ITGA2: variants seen among roughly 807,000 people sequenced by gnomAD.
ITGA2 encodes the protein integrin alpha-2.
Under a neutral mutation model 146.3 loss-of-function variants are expected in ITGA2, and 101 were observed. The ratio of observed to expected loss-of-function variants is 0.69; its 90% CI spans 0.59 to 0.81. The LOEUF (loss-of-function observed/expected upper bound fraction) is 0.81, where lower values mean the gene tolerates loss of function less well. Ranked by LOEUF, ITGA2 falls within the 40% of genes least tolerant of loss-of-function variation. The pLI, the probability that ITGA2 is intolerant of heterozygous loss-of-function variation, is 0.00. For synonymous variants in ITGA2, 477 were observed against 487.1 expected (o/e 0.98, Z 0.27); for missense variants, 1,281 against 1,402.7 (o/e 0.91, Z 1.39).
At chr5:53,053,556 G>C (rs1744491776) in intron 7 of ITGA2, among the ~76,000 whole-genome samples, 1 of 152,138 alleles carries the variant, frequency 6.6e-6, no homozygotes, top group South Asian at 2.1e-4. Flanking sequence ...GCCCTGGCGA[G>C]CTTTGTTCTC....
At chr5:52,989,805 T>TACAC (rs1383301912) in intron 1 of ITGA2, among the ~76,000 whole-genome samples, 1 of 98,776 alleles carries the variant, frequency 1.0e-5, no homozygotes, top group South Asian at 4.4e-4. Flanking sequence ...TTGTTTTAGG[T>TACAC]ACACACACGC....
intron 9 of ITGA2, among the ~76,000 whole-genome samples, chr5:53,057,027 T>C (rs1459299798): frequency 6.6e-6 from 1 of 151,932 alleles, no homozygotes; most frequent in African/African-American, 2.4e-5. Flanking sequence ...AAAAGCATTA[T>C]TGCTTCTTCA....
At chr5:53,064,875 G>T (rs1745071831) in intron 13 of ITGA2, 37 bp from the exon 14 acceptor site, 2 of 1,586,920 alleles carry the variant, frequency 1.3e-6, no homozygotes, top group East Asian at 2.2e-5. Flanking sequence ...AAGTTGTAAG[G>T]TTTGCTTTAA....
At chr5:53,034,931 G>A (rs1364695571) in intron 2 of ITGA2, among the ~76,000 whole-genome samples, 3 of 152,178 alleles carry the variant, frequency 2.0e-5, no homozygotes, top group South Asian at 4.1e-4. Context: ...GGGCAGGGGT[G>A]CAGATATATA....
chr5:53,020,905 G>T (rs1435465716), intron 1 of ITGA2, among the ~76,000 whole-genome samples: 2 of 149,992 alleles, frequency 1.3e-5, no homozygotes, highest in Non-Finnish European at 3.0e-5. Context: ...ATGTTGGCCA[G>T]GCTGGTCTCA....
rs187028948 is a variant in ITGA2 at position 53,048,027 on chromosome 5, C to A, written c.388-336C>A. 1.0e-3 allele frequency among the ~76,000 whole-genome samples: 157 copies of A among 152,222 alleles called. 1 individual carries two copies. The highest frequency in any genetic ancestry group is 2.1e-3 in the African/African-American group (87 of 41,558). ...AGGTAAATGAGAGACAAAAAGTGAA[C>A]CTGCATGCATTCTCCTCCTTGGTGT... On this transcript the variant is annotated intron_variant, in intron 4 of 29. Coordinates refer to ENST00000296585, the MANE Select transcript of ITGA2 (RefSeq NM_002203.4).
chr5:53,044,909 C>T (rs1744000134), intron 3 of ITGA2, 92 bp from the exon 4 acceptor site: 1 of 849,436 alleles, frequency 1.2e-6, no homozygotes, highest in Admixed American at 1.9e-5. Context: ...TTCAATGCTA[C>T]ATGCAAACAT....
At chr5:53,024,739 A>C (rs1447026817) in intron 1 of ITGA2, among the ~76,000 whole-genome samples, 1 of 152,224 alleles carries the variant, frequency 6.6e-6, no homozygotes, top group East Asian at 1.9e-4. Context: ...AATGAGCTGC[A>C]TGTGTTCAAA....
chr5:52,996,963 T>C (rs1741292497), intron 1 of ITGA2, among the ~76,000 whole-genome samples: 1 of 152,222 alleles, frequency 6.6e-6, no homozygotes, highest in Non-Finnish European at 1.5e-5. Flanking sequence ...CTTAGTGTTG[T>C]TTTCAAAGCA....
At chr5:53,061,898 A>T (rs902328173) in intron 12 of ITGA2, among the ~76,000 whole-genome samples, 1 of 151,938 alleles carries the variant, frequency 6.6e-6, no homozygotes, top group Non-Finnish European at 1.5e-5. Context: ...GACTTCCGTG[A>T]CCACAAATTA....
Position 53,092,922 on chromosome 5 carries a change from AC to A in ITGA2, c.*2324del, listed in dbSNP as rs1740499044. 1 of 149,028 alleles carries A rather than the reference AC, an allele frequency of 6.7e-6. No individual in the cohort carries two copies. Among genetic ancestry groups the A allele is most frequent in the South Asian group, 2.1e-4 (1 of 4,722 alleles). 9.2% of individuals were successfully genotyped at this position (149,028 alleles called of 1,614,324 possible). A position where few individuals can be genotyped will look rare whatever the true frequency, so the allele number is the denominator to read the frequency against. On this transcript the variant is annotated 3_prime_UTR_variant, in exon 30 of 30. Transcript: ENST00000296585. ...CAGGAGTTTGAGACTAGCCTGGCCA[AC>A]ATGGTGAAACCCCATCTCTAATAAT...
intron 1 of ITGA2, among the ~76,000 whole-genome samples, chr5:53,008,906 A>G (rs1343944822): frequency 1.3e-5 from 2 of 152,148 alleles, no homozygotes; most frequent in Admixed American, 1.3e-4. Flanking sequence ...GACATGCATG[A>G]GTCAGAGAAG....
chr5:52,996,537 C>T (rs1741264308), intron 1 of ITGA2, among the ~76,000 whole-genome samples: 1 of 152,034 alleles, frequency 6.6e-6, no homozygotes, highest in Admixed American at 6.6e-5. Context: ...TGAAGTTGAT[C>T]CAGGTATGCA....
intron 5 of ITGA2, 59 bp from the exon 6 acceptor site, chr5:53,048,584 A>C (rs1168171764): frequency 1.9e-6 from 3 of 1,612,766 alleles, no homozygotes; most frequent in Non-Finnish European, 2.5e-6. Context: ...TCATTTTTAT[A>C]TGGCTGTGAA....
intron 23 of ITGA2, 99 bp from the exon 24 acceptor site, chr5:53,078,673 A>C: frequency 1.4e-6 from 1 of 728,440 alleles, no homozygotes; most frequent in Non-Finnish European, 2.4e-6. Context: ...AGTAAAATTT[A>C]CTTTAACCTA....
intron 13 of ITGA2, among the ~76,000 whole-genome samples, chr5:53,063,929 C>T (rs894119427): frequency 6.6e-6 from 1 of 151,630 alleles, no homozygotes; most frequent in Non-Finnish European, 1.5e-5. Context: ...GTGTCAAACG[C>T]AGTAAAAATT....
intron 1 of ITGA2, among the ~76,000 whole-genome samples, chr5:53,005,760 A>C (rs1039248910): frequency 6.6e-6 from 1 of 152,308 alleles, no homozygotes; most frequent in South Asian, 2.1e-4. Context: ...TTGTCTGACC[A>C]CAATGAGGTA....
intron 9 of ITGA2, 85 bp downstream of exon 9, chr5:53,056,234 A>G (rs1744629245): frequency 1.7e-6 from 2 of 1,208,000 alleles, no homozygotes; most frequent in Non-Finnish European, 2.4e-6. Flanking sequence ...TACTAATGTT[A>G]ACTTGTATAC....
intron 1 of ITGA2, among the ~76,000 whole-genome samples, chr5:53,006,325 T>C (rs1301128306): frequency 6.6e-6 from 1 of 152,232 alleles, no homozygotes; most frequent in African/African-American, 2.4e-5. Flanking sequence ...AGTCTTCTTT[T>C]TAGGGTTCTC....
Sources: gnomAD v4.1 joint callset for allele counts (sites outside exome capture counted in the v4.1 genomes callset) on GRCh38, gnomAD v4.1.1 for gene constraint, MANE v1.5 for transcripts, NCBI Gene and HGNC (gene_info 2026-07-23, HGNC 2026-07-21) for gene names.